Variants in DRC8 observed in about 807,000 individuals in gnomAD.
DRC8 encodes the protein dynein regulatory complex subunit 8.
chr1:244,977,020 G>A, the DRC8 span, among the ~76,000 whole-genome samples: 1 of 152,222 alleles, frequency 6.6e-6, no homozygotes, highest in Admixed American at 6.5e-5. Context: ...ATCATGCTAA[G>A]TGAAATAAGC....
At chr1:245,035,866 C>CA in the DRC8 span, among the ~76,000 whole-genome samples, 37,120 of 109,592 alleles carry the variant, frequency 0.34, 5,459 homozygotes, top group Middle Eastern at 0.43. Flanking sequence ...GACTCTGTCT[C>CA]AAAAAAAAAA....
the DRC8 span, among the ~76,000 whole-genome samples, chr1:245,022,323 T>G: frequency 1.3e-5 from 2 of 151,626 alleles, no homozygotes; most frequent in African/African-American, 4.8e-5. Context: ...CCGGCTAATT[T>G]TTTTTTTTTT....
the DRC8 span, among the ~76,000 whole-genome samples, chr1:245,080,875 GTC>G: frequency 3.9e-5 from 6 of 152,250 alleles, no homozygotes; most frequent in East Asian, 1.2e-3. Flanking sequence ...TCGGGCCCCT[GTC>G]TCTCTTTCTA....
chr1:245,003,485 G>T, the DRC8 span, among the ~76,000 whole-genome samples: 1 of 152,222 alleles, frequency 6.6e-6, no homozygotes, highest in African/African-American at 2.4e-5. Flanking sequence ...GCCAATGGTG[G>T]CTGGCTCCAG....
the DRC8 span, among the ~76,000 whole-genome samples, chr1:245,094,142 G>C: frequency 2.6e-4 from 39 of 152,246 alleles, no homozygotes; most frequent in African/African-American, 9.4e-4. Context: ...ATAGAGGTAA[G>C]TCTATTTTCC....
chr1:245,007,290 A>G, the DRC8 span, among the ~76,000 whole-genome samples: 1 of 152,216 alleles, frequency 6.6e-6, no homozygotes, highest in Admixed American at 6.5e-5. Flanking sequence ...TTAGTTTCAA[A>G]GAGAACAAAA....
chr1:244,995,753 C>G, the DRC8 span, among the ~76,000 whole-genome samples: 1 of 152,224 alleles, frequency 6.6e-6, no homozygotes, highest in Non-Finnish European at 1.5e-5. Flanking sequence ...TTTCTACTTT[C>G]CATGTTGATA....
the DRC8 span, among the ~76,000 whole-genome samples, chr1:245,095,337 A>G: frequency 6.6e-6 from 1 of 152,248 alleles, no homozygotes; most frequent in Admixed American, 6.5e-5. Flanking sequence ...CTGGTGAGAA[A>G]TCAGGGTACT....
the DRC8 span, among the ~76,000 whole-genome samples, chr1:245,033,866 C>T: frequency 6.6e-6 from 1 of 152,004 alleles, no homozygotes; most frequent in South Asian, 2.1e-4. Flanking sequence ...GAATTACAGG[C>T]GTGCACCACC....
chr1:244,970,583 A>G, the DRC8 span: 1 of 1,073,518 alleles, frequency 9.3e-7, no homozygotes, highest in Non-Finnish European at 1.3e-6. Context: ...GGAGGGGGCC[A>G]CCCGGCAGCA....
the DRC8 span, among the ~76,000 whole-genome samples, chr1:245,083,184 A>G: frequency 1.9e-3 from 282 of 152,268 alleles, no homozygotes; most frequent in Admixed American, 3.4e-3. Context: ...GCATTAGATT[A>G]TCATAGGAAT....
the DRC8 span, among the ~76,000 whole-genome samples, chr1:245,042,591 AG>A: frequency 5.2e-3 from 797 of 152,356 alleles, 4 homozygotes; most frequent in African/African-American, 0.018. Context: ...AGCACATCAT[AG>A]GGTTCAAATA....
the DRC8 span, chr1:245,087,281 T>A: frequency 6.2e-7 from 1 of 1,611,282 alleles, no homozygotes; most frequent in Admixed American, 1.7e-5. Flanking sequence ...GAAGAAATGT[T>A]GTCTGCTGCA....
chr1:245,118,423 C>A, the DRC8 span, among the ~76,000 whole-genome samples: 1 of 152,180 alleles, frequency 6.6e-6, no homozygotes, highest in African/African-American at 2.4e-5. Context: ...ACTGGGAGAA[C>A]ACCATGTGTC....
At chr1:245,116,311 C>G in the DRC8 span, among the ~76,000 whole-genome samples, 1 of 152,042 alleles carries the variant, frequency 6.6e-6, no homozygotes, top group African/African-American at 2.4e-5. Flanking sequence ...TCGCTTGAGG[C>G]CAAGAGTTAG....
At chr1:245,032,802 T>A in the DRC8 span, among the ~76,000 whole-genome samples, 1 of 152,004 alleles carries the variant, frequency 6.6e-6, no homozygotes. Context: ...TGGATTTCAT[T>A]GTGTAAGCAA....
chr1:245,076,840 C>G, the DRC8 span, among the ~76,000 whole-genome samples: 1 of 152,022 alleles, frequency 6.6e-6, no homozygotes, highest in Non-Finnish European at 1.5e-5. Flanking sequence ...GATCCTCCTG[C>G]CTCAGCCTCC....
the DRC8 span, among the ~76,000 whole-genome samples, chr1:245,118,214 C>T: frequency 6.6e-6 from 1 of 152,090 alleles, no homozygotes; most frequent in Admixed American, 6.6e-5. Flanking sequence ...TTAGAGCAAA[C>T]CCTGGCCCTA....
the DRC8 span, among the ~76,000 whole-genome samples, chr1:245,101,462 A>G: frequency 1.3e-5 from 2 of 152,220 alleles, no homozygotes; most frequent in Non-Finnish European, 2.9e-5. Context: ...CAGGAAGTAC[A>G]TGATATCTGA....
Sources: gnomAD v4.1 joint callset for allele counts (sites outside exome capture counted in the v4.1 genomes callset) on GRCh38, gnomAD v4.1.1 for gene constraint, MANE v1.5 for transcripts, NCBI Gene and HGNC (gene_info 2026-07-23, HGNC 2026-07-21) for gene names.